The following CFAP107 variants were observed in gnomAD, a reference collection of about 807,000 sequenced individuals.
CFAP107 encodes the protein cilia- and flagella-associated protein 107.
the CFAP107 span, chr1:12,759,534 G>C: frequency 6.2e-7 from 1 of 1,603,490 alleles, no homozygotes; most frequent in East Asian, 2.2e-5. Flanking sequence ...CTGTAAAGTT[G>C]CACAGACCAA....
chr1:12,756,786 C>T, the CFAP107 span, among the ~76,000 whole-genome samples: 13 of 152,258 alleles, frequency 8.5e-5, no homozygotes, highest in East Asian at 2.1e-3. Context: ...CTCAGCGGCC[C>T]GAGGTGTGAA....
At chr1:12,755,805 A>G in the CFAP107 span, 9 of 1,611,462 alleles carry the variant, frequency 5.6e-6, no homozygotes, top group Non-Finnish European at 5.9e-6. Flanking sequence ...TGGGAAGAGG[A>G]AAGTTGAGGT....
chr1:12,759,567 A>G, the CFAP107 span: 1 of 1,523,012 alleles, frequency 6.6e-7, no homozygotes, highest in Non-Finnish European at 9.1e-7. Flanking sequence ...TGCCTCATGC[A>G]GAAGGAGCCA....
chr1:12,747,123 A>G, the CFAP107 span, among the ~76,000 whole-genome samples: 1 of 150,910 alleles, frequency 6.6e-6, no homozygotes, highest in Non-Finnish European at 1.5e-5. Context: ...GCTAGAGTGC[A>G]GTGGCATGAT....
the CFAP107 span, among the ~76,000 whole-genome samples, chr1:12,748,668 C>T: frequency 1.3e-4 from 19 of 151,566 alleles, no homozygotes; most frequent in African/African-American, 4.6e-4. Context: ...AACGAAAAAT[C>T]ACCAGACGTA....
At chr1:12,747,493 T>A in the CFAP107 span, among the ~76,000 whole-genome samples, 1 of 152,198 alleles carries the variant, frequency 6.6e-6, no homozygotes, top group African/African-American at 2.4e-5. Flanking sequence ...TTGAATATCT[T>A]CATTTGTGTT....
At chr1:12,752,637 A>G in the CFAP107 span, among the ~76,000 whole-genome samples, 2 of 151,220 alleles carry the variant, frequency 1.3e-5, no homozygotes, top group Non-Finnish European at 2.9e-5. Context: ...AGACATGATC[A>G]TCACAATGTA....
At chr1:12,758,722 A>G in the CFAP107 span, among the ~76,000 whole-genome samples, 1 of 152,204 alleles carries the variant, frequency 6.6e-6, no homozygotes, top group East Asian at 1.9e-4. Flanking sequence ...CAAACATCCC[A>G]GAGTAAGGAG....
chr1:12,748,512 G>C, the CFAP107 span, among the ~76,000 whole-genome samples: 1 of 146,980 alleles, frequency 6.8e-6, no homozygotes, highest in Non-Finnish European at 1.5e-5. Context: ...ATGTACACCA[G>C]AAAAGAGTTG....
chr1:12,762,898 G>T, the CFAP107 span: 1 of 149,366 alleles, frequency 6.7e-6, no homozygotes, highest in South Asian at 2.1e-4. Context: ...ATAAAAAAAT[G>T]AACAGGGGCT....
the CFAP107 span, among the ~76,000 whole-genome samples, chr1:12,747,594 G>A: frequency 6.6e-6 from 1 of 152,192 alleles, no homozygotes; most frequent in South Asian, 2.1e-4. Context: ...AGGTGAAATA[G>A]AATACTCAGC....
chr1:12,759,519 T>A, the CFAP107 span: 11 of 1,613,556 alleles, frequency 6.8e-6, no homozygotes, highest in Non-Finnish European at 9.3e-6. Flanking sequence ...TTCCTCTGCG[T>A]TGGTCTGTAA....
chr1:12,755,623 C>T, the CFAP107 span: 2 of 941,040 alleles, frequency 2.1e-6, no homozygotes, highest in Non-Finnish European at 3.5e-6. Flanking sequence ...TTCTGATGGC[C>T]CAGGAGGTAA....
chr1:12,759,681 A>G, the CFAP107 span: 1 of 688,148 alleles, frequency 1.5e-6, no homozygotes, highest in South Asian at 1.7e-5. Context: ...GACCTGGGGT[A>G]ATCTTGGCTG....
chr1:12,747,338 G>A, the CFAP107 span, among the ~76,000 whole-genome samples: 1 of 152,086 alleles, frequency 6.6e-6, no homozygotes, highest in African/African-American at 2.4e-5. Flanking sequence ...CCAAGTGCTG[G>A]GGTTACAGGC....
chr1:12,746,320 C>G, the CFAP107 span: 1 of 734,276 alleles, frequency 1.4e-6, no homozygotes, highest in African/African-American at 1.8e-5. Flanking sequence ...AGGAGGCCAG[C>G]TGGGAAGACA....
chr1:12,747,670 C>T, the CFAP107 span, among the ~76,000 whole-genome samples: 2 of 152,164 alleles, frequency 1.3e-5, no homozygotes, highest in East Asian at 3.8e-4. Flanking sequence ...TAATCACCAC[C>T]TCTCTGGCCA....
chr1:12,749,626 CA>C, the CFAP107 span, among the ~76,000 whole-genome samples: 2 of 148,870 alleles, frequency 1.3e-5, no homozygotes, highest in African/African-American at 5.2e-5. Flanking sequence ...TAAAAAAACA[CA>C]AAAAAACAAA....
At chr1:12,746,213 G>T in the CFAP107 span, 1 of 394,692 alleles carries the variant, frequency 2.5e-6, no homozygotes, top group South Asian at 3.0e-5. Flanking sequence ...CAACAGTAGA[G>T]AATCCAAGAT....
Sources: allele counts gnomAD v4.1 joint callset (sites outside exome capture counted in the v4.1 genomes callset), GRCh38; gene constraint gnomAD v4.1.1; transcripts MANE v1.5; gene names NCBI Gene and HGNC (gene_info 2026-07-23, HGNC 2026-07-21).